Variants in TRAPPC9 observed in about 807,000 individuals in gnomAD.
TRAPPC9 encodes IKK2 binding protein.
In TRAPPC9, 83 loss-of-function variants were observed where a neutral mutation model predicts 124.0. That is an observed-to-expected ratio of 0.67 (90% CI 0.56 to 0.80). The LOEUF (loss-of-function observed/expected upper bound fraction) is 0.80. Among genes scored for constraint, TRAPPC9 ranks in the 30% least tolerant of loss-of-function variants. The pLI is 0.00. For missense variants in TRAPPC9, 1,302 were observed against 1,508.3 expected, an observed-to-expected ratio of 0.86 and a Z score of 2.27; for synonymous variants, 638 against 617.5, an observed-to-expected ratio of 1.03 and a Z score of -0.49.
chr8:139,733,940 G>A (rs1817996234), intron 21 of TRAPPC9, among the ~76,000 whole-genome samples: 1 of 152,236 alleles, frequency 6.6e-6, no homozygotes, highest in African/African-American at 2.4e-5. Flanking sequence ...AACTTCAGGT[G>A]TGGTTGGGCC....
At chr8:139,989,716 G>A in intron 18 of TRAPPC9, among the ~76,000 whole-genome samples, 1 of 152,274 alleles carries the variant, frequency 6.6e-6, no homozygotes, top group East Asian at 1.9e-4. Context: ...ACTTCTTTGG[G>A]TGGCCGTGGC....
intron 11 of TRAPPC9, among the ~76,000 whole-genome samples, chr8:140,300,112 A>G (rs2065922775): frequency 6.6e-6 from 1 of 152,198 alleles, no homozygotes; most frequent in African/African-American, 2.4e-5. Flanking sequence ...AATCACATCT[A>G]TGGGCAATTG....
chr8:139,899,153 A>G (rs1830859974), intron 20 of TRAPPC9, among the ~76,000 whole-genome samples: 2 of 151,788 alleles, frequency 1.3e-5, no homozygotes, highest in African/African-American at 2.4e-5. Flanking sequence ...GAATTTAAAA[A>G]AACAGAAACA....
chr8:139,780,570 A>T (rs1174725838), intron 21 of TRAPPC9, among the ~76,000 whole-genome samples: 1 of 152,216 alleles, frequency 6.6e-6, no homozygotes, highest in Non-Finnish European at 1.5e-5. Flanking sequence ...AAAACTATAA[A>T]GCTCCTAGAA....
chr8:139,810,311 G>C (rs533342965), intron 21 of TRAPPC9, among the ~76,000 whole-genome samples: 1 of 152,316 alleles, frequency 6.6e-6, no homozygotes, highest in East Asian at 1.9e-4. Flanking sequence ...TCACGAAGCA[G>C]GAGCAGCCAC....
intron 19 of TRAPPC9, among the ~76,000 whole-genome samples, chr8:139,925,915 T>C (rs1343965057): frequency 6.6e-6 from 1 of 152,102 alleles, no homozygotes; most frequent in Non-Finnish European, 1.5e-5. Context: ...TGAAATGAGA[T>C]TTGAGCCACA....
intron 9 of TRAPPC9, among the ~76,000 whole-genome samples, chr8:140,342,673 A>C (rs1013812188): frequency 6.6e-6 from 1 of 152,220 alleles, no homozygotes; most frequent in African/African-American, 2.4e-5. Flanking sequence ...TGAAAAATGA[A>C]ATATAGCAAA....
At chr8:139,945,201 G>A (rs1834132666) in intron 19 of TRAPPC9, among the ~76,000 whole-genome samples, 1 of 152,098 alleles carries the variant, frequency 6.6e-6, no homozygotes, top group African/African-American at 2.4e-5. Context: ...TTGTTTATAA[G>A]TAAAGTACTT....
intron 7 of TRAPPC9, among the ~76,000 whole-genome samples, chr8:140,382,304 G>C (rs2068631925): frequency 6.6e-6 from 1 of 152,200 alleles, no homozygotes; most frequent in South Asian, 2.1e-4. Context: ...AGGACAGTGG[G>C]TGCAGTGCAT....
intron 21 of TRAPPC9, among the ~76,000 whole-genome samples, chr8:139,867,690 AATC>A (rs1828640205): frequency 1.3e-5 from 2 of 152,230 alleles, no homozygotes; most frequent in Admixed American, 1.3e-4. Context: ...AACTGAATCT[AATC>A]ATGAGGACAC....
At position 140,049,552 on chromosome 8, in the gene TRAPPC9, C is replaced by G. The variant is rs4631439; in HGVS notation, c.2557-25473G>C. ...AGATAAATCCTACAGGGCTCCCCCC[C>G]CCGAGACCACCAAATTATTTCCCTG... is the stretch of plus-strand genomic sequence containing the variant. On this transcript the variant is annotated intron_variant, in intron 17 of 22. Coordinates refer to ENST00000438773, the MANE Select transcript of TRAPPC9 (RefSeq NM_001160372.4). Among the ~76,000 whole-genome samples the G allele has an allele frequency of 1.8e-3, 268 of 151,398 alleles. 2 individuals carry two copies. Among genetic ancestry groups the G allele is most frequent in the African/African-American group, 5.5e-3 (225 of 41,232 alleles).
intron 9 of TRAPPC9, among the ~76,000 whole-genome samples, chr8:140,336,419 G>A (rs1043889254): frequency 6.6e-6 from 1 of 152,142 alleles, no homozygotes; most frequent in Admixed American, 6.5e-5. Context: ...GGGAGGCAAA[G>A]AAAGGCAACA....
At position 140,275,744 on chromosome 8, in the gene TRAPPC9, C is replaced by T. The variant is rs190366399; in HGVS notation, c.2192G>A (p.Ser731Asn). Residue 731 changes from serine to asparagine, a missense_variant, in exon 15 of 23, where the codon AGT becomes AAT. This residue lies in a region of TRAPPC9 where 640 missense variants were observed against 679.3 expected (regional missense o/e 0.94). Coordinates refer to ENST00000438773, the MANE Select transcript of TRAPPC9 (RefSeq NM_001160372.4). ...NVSVQLYNGESQQLIIKLENI... is the reference protein window; with the variant it reads ...NVSVQLYNGENQQLIIKLENI... The stretch of plus-strand genomic sequence containing the variant: ...TTCCAATTTAATGATTAGTTGCTGA[C>T]TTTCTCCATTGTAAAGCTGGACAGA... 1.4e-5 allele frequency: 22 copies of T among 1,613,892 alleles called. No individual in the cohort carries two copies. In the East Asian group the frequency reaches 4.7e-4, roughly 34 times the overall value.
chr8:140,214,996 A>G (rs1187230389), intron 17 of TRAPPC9, among the ~76,000 whole-genome samples: 1 of 152,148 alleles, frequency 6.6e-6, no homozygotes, highest in Non-Finnish European at 1.5e-5. Context: ...GGGCTCTGTA[A>G]CAAGCTCATG....
chr8:140,218,178 C>G (rs934551083), intron 17 of TRAPPC9, among the ~76,000 whole-genome samples: 7 of 152,128 alleles, frequency 4.6e-5, no homozygotes, highest in African/African-American at 1.7e-4. Context: ...ACTACTCCAC[C>G]AGCATTTAGG....
intron 19 of TRAPPC9, among the ~76,000 whole-genome samples, chr8:139,926,842 T>C (rs1245089601): frequency 6.6e-6 from 1 of 151,886 alleles, no homozygotes; most frequent in African/African-American, 2.4e-5. Flanking sequence ...GAAACTAAAC[T>C]GCATCAAATG....
At chr8:139,939,880 T>G (rs1203750101) in intron 19 of TRAPPC9, among the ~76,000 whole-genome samples, 1 of 152,188 alleles carries the variant, frequency 6.6e-6, no homozygotes, top group African/African-American at 2.4e-5. Flanking sequence ...GCAGGTCTCA[T>G]CTGCGGGAAA....
intron 15 of TRAPPC9, among the ~76,000 whole-genome samples, chr8:140,264,585 A>C (rs2064552566): frequency 2.4e-5 from 3 of 124,006 alleles, no homozygotes; most frequent in Admixed American, 9.2e-5. Context: ...GGGAAAGAAG[A>C]GAGAGAGAGG....
At chr8:139,958,928 C>CAGGGGAGCCCTGCATTCCGAGTCACAG (rs1835179625) in intron 19 of TRAPPC9, among the ~76,000 whole-genome samples, 2 of 117,068 alleles carry the variant, frequency 1.7e-5, no homozygotes, top group South Asian at 3.1e-4. Context: ...CCGAGTCACA[C>CAGGGGAGCCCTGCATTCCGAGTCACAG]GGGGGAGCAC....
Sources: allele counts gnomAD v4.1 joint callset (sites outside exome capture counted in the v4.1 genomes callset), GRCh38; gene constraint gnomAD v4.1.1; regional missense constraint gnomAD v4.1.1; transcripts MANE v1.5; gene names NCBI Gene and HGNC (gene_info 2026-07-23, HGNC 2026-07-21).